ADAMTS2: variants seen among roughly 807,000 people sequenced by gnomAD.
ADAMTS2 encodes ADAM metallopeptidase with thrombospondin type 1 motif 2.
In ADAMTS2, 50 loss-of-function variants were observed where a neutral mutation model predicts 123.0. The observed-to-expected ratio is 0.41, with a 90% confidence interval of 0.32 to 0.51. The LOEUF is 0.51. Ranked by LOEUF, ADAMTS2 falls within the 20% of genes least tolerant of loss-of-function variation. The pLI, the probability that ADAMTS2 is intolerant of heterozygous loss-of-function variation, is 0.35. For missense variants in ADAMTS2, 1,494 were observed against 1,705.2 expected, an observed-to-expected ratio of 0.88 and a Z score of 2.18; for synonymous variants, 678 against 695.4, an observed-to-expected ratio of 0.98 and a Z score of 0.39.
At position 179,162,173 on chromosome 5, in the gene ADAMTS2, G is replaced by A. The variant is rs2113272690; in HGVS notation, c.976-3294C>T. On this transcript the variant is annotated intron_variant, in intron 5 of 21. Coordinates refer to ENST00000251582, the MANE Select transcript of ADAMTS2 (RefSeq NM_014244.5). This position sits in a 1 kb window ranked among gnomAD's most constrained non-coding sequence, Gnocchi z 5.1. ...GACGGTCCCTTCCGATGCCCTGGTGGGTTGCGGTGACTTCTGCCTGCCCTT... is the reference window on the plus strand; with the variant it reads ...GACGGTCCCTTCCGATGCCCTGGTGAGTTGCGGTGACTTCTGCCTGCCCTT... Among the ~76,000 whole-genome samples the A allele has an allele frequency of 6.6e-6, 1 of 152,326 alleles. No homozygotes were observed. The highest frequency in any genetic ancestry group is 2.1e-4 in the South Asian group (1 of 4,830).
At chr5:179,258,270 G>GC (rs1766121570) in intron 3 of ADAMTS2, among the ~76,000 whole-genome samples, 1 of 145,778 alleles carries the variant, frequency 6.9e-6, no homozygotes, top group Admixed American at 6.8e-5. Flanking sequence ...CCCCCAGACC[G>GC]CCCCCCGCCA....
chr5:179,321,273 T>C (rs1224566955), intron 2 of ADAMTS2, among the ~76,000 whole-genome samples: 3 of 152,116 alleles, frequency 2.0e-5, no homozygotes, highest in Non-Finnish European at 4.4e-5. Flanking sequence ...AGCGCACACG[T>C]AAACACTGCA....
At position 179,308,176 on chromosome 5, in the gene ADAMTS2, G is replaced by A. The variant is rs1001597289; in HGVS notation, c.535-35112C>T. Among the ~76,000 whole-genome samples, 5 of 152,158 alleles carry A rather than the reference G, an allele frequency of 3.3e-5. No individual in the cohort carries two copies. Among genetic ancestry groups the A allele is most frequent in the South Asian group, 2.1e-4 (1 of 4,822 alleles). On this transcript the variant is annotated intron_variant, in intron 2 of 21. Coordinates refer to ENST00000251582, the MANE Select transcript of ADAMTS2 (RefSeq NM_014244.5). The surrounding 1 kb of genome is among the most constrained non-coding windows in gnomAD (Gnocchi z 6.6). ...AAACAGGGGTTTAAGTGGAGGATCC[G>A]GTGCTCTGATTTCTCCCCAGTTAGT...
chr5:179,219,845 C>A (rs1186194052), intron 3 of ADAMTS2, among the ~76,000 whole-genome samples: 6 of 152,222 alleles, frequency 3.9e-5, no homozygotes, highest in Admixed American at 3.3e-4. Context: ...TTCGTCCCCC[C>A]AGCACCCGCC....
At chr5:179,134,951 T>TC (rs1763035203) in intron 13 of ADAMTS2, among the ~76,000 whole-genome samples, 5 of 33,664 alleles carry the variant, frequency 1.5e-4, no homozygotes, top group South Asian at 2.2e-3. Flanking sequence ...CGACTCCAGC[T>TC]CCAGCTCCCG....
At chr5:179,294,066 A>G (rs1166055555) in intron 2 of ADAMTS2, among the ~76,000 whole-genome samples, 2 of 152,012 alleles carry the variant, frequency 1.3e-5, no homozygotes, top group African/African-American at 2.4e-5. Context: ...GGAGTTCCAG[A>G]CCAGCATAGT....
intron 4 of ADAMTS2, among the ~76,000 whole-genome samples, chr5:179,182,232 A>T (rs1764067072): frequency 6.6e-6 from 1 of 152,218 alleles, no homozygotes; most frequent in Non-Finnish European, 1.5e-5. Flanking sequence ...CAGGCTAAGC[A>T]GCACCTGGCA....
In ADAMTS2 at chr5:179,162,700, C is replaced by T. The variant is rs1244125229; in HGVS notation, c.976-3821G>A. Among the ~76,000 whole-genome samples, 2 of 152,352 alleles carry T rather than the reference C, an allele frequency of 1.3e-5. No homozygotes were observed. The highest frequency in any genetic ancestry group is 2.1e-4 in the South Asian group (1 of 4,826). On this transcript the variant is annotated intron_variant, in intron 5 of 21. Transcript: ENST00000251582. This position sits in a 1 kb window ranked among gnomAD's most constrained non-coding sequence, Gnocchi z 5.1. The stretch of plus-strand genomic sequence containing the variant: ...TTGATAGAATCTCAGTCCCGCCTAC[C>T]GCAGGGCATGGACATTAAGAGACTG...
intron 10 of ADAMTS2, among the ~76,000 whole-genome samples, chr5:179,146,010 G>T (rs569681967): frequency 6.6e-6 from 1 of 152,216 alleles, no homozygotes; most frequent in South Asian, 2.1e-4. Flanking sequence ...CCACCACAAG[G>T]CCCAGCTAAT....
chr5:179,146,371 G>A (rs996455036), intron 10 of ADAMTS2, among the ~76,000 whole-genome samples: 1 of 152,142 alleles, frequency 6.6e-6, no homozygotes, highest in South Asian at 2.1e-4. Flanking sequence ...TTTGGAGGAG[G>A]TGCTCTCTGG....
rs533546540 is a variant in ADAMTS2, at chr5:179,332,162, C to G, written c.534+11605G>C. On this transcript the variant is annotated intron_variant, in intron 2 of 21. Transcript: ENST00000251582. The surrounding 1 kb of genome is among the most constrained non-coding windows in gnomAD (Gnocchi z 4.2). ...TCACAGAACTCAGGGAGGCATTTTA[C>G]TTACTATTTCCAGTTGATTATTAAA... Among the ~76,000 whole-genome samples the G allele has an allele frequency of 2.8e-4, 43 of 152,328 alleles. No individual in the cohort carries two copies. The highest frequency in any genetic ancestry group is 9.4e-4 in the African/African-American group (39 of 41,564).
intron 2 of ADAMTS2, among the ~76,000 whole-genome samples, chr5:179,328,721 G>A (rs1163464541): frequency 6.6e-6 from 1 of 152,188 alleles, no homozygotes; most frequent in Non-Finnish European, 1.5e-5. Flanking sequence ...AGTGTTCCCA[G>A]ATAACAATCT....
intron 4 of ADAMTS2, among the ~76,000 whole-genome samples, chr5:179,203,425 T>C (rs1016650731): frequency 1.2e-4 from 19 of 152,226 alleles, no homozygotes; most frequent in Non-Finnish European, 2.5e-4. Flanking sequence ...TTCCATGCTT[T>C]TGCTTTCGCT....
chr5:179,327,408 A>G (rs1444234629), intron 2 of ADAMTS2, among the ~76,000 whole-genome samples: 12 of 152,148 alleles, frequency 7.9e-5, no homozygotes, highest in Admixed American at 7.9e-4. Context: ...GTAGAAACTC[A>G]GGGCATCTTT....
Position 179,126,007 on chromosome 5 carries a change from G to A in ADAMTS2, c.2741C>T (p.Ser914Phe). 1 of 1,613,468 alleles carries A rather than the reference G, an allele frequency of 6.2e-7. No individual in the cohort carries two copies. The highest frequency in any genetic ancestry group is 8.5e-7 in the Non-Finnish European group (1 of 1,180,016). ...AGCTGGGGGCACTCACACTGGCTGGGAGCATTCCTGTGGGTTGCACGCTCT... is the reference window on the plus strand; with the variant it reads ...AGCTGGGGGCACTCACACTGGCTGGAAGCATTCCTGTGGGTTGCACGCTCT... ...IRRACNPQECSQPVWVTGEWE... is the reference protein window; with the variant it reads ...IRRACNPQECFQPVWVTGEWE... Residue 914 changes from serine to phenylalanine, a missense_variant, in exon 18 of 22, where the codon TCC becomes TTC. Physicochemically the swap from Ser to Phe is radical, Grantham distance 155. Transcript: ENST00000251582.
intron 2 of ADAMTS2, among the ~76,000 whole-genome samples, chr5:179,291,608 G>A (rs1484241073): frequency 6.6e-6 from 1 of 152,180 alleles, no homozygotes; most frequent in Non-Finnish European, 1.5e-5. Context: ...TGGAAGGCGG[G>A]AGTGTGCCCA....
intron 10 of ADAMTS2, among the ~76,000 whole-genome samples, chr5:179,146,716 G>T: frequency 1.3e-5 from 2 of 151,648 alleles, no homozygotes; most frequent in East Asian, 1.9e-4. Flanking sequence ...TTTCTTTTTT[G>T]GTGACAATGA....
chr5:179,315,325 T>TG (rs1756962560), intron 2 of ADAMTS2, among the ~76,000 whole-genome samples: 1 of 151,716 alleles, frequency 6.6e-6, no homozygotes, highest in African/African-American at 2.4e-5. Context: ...GAGGCCACAG[T>TG]GCTTTGGGAA....
intron 21 of ADAMTS2, among the ~76,000 whole-genome samples, chr5:179,114,701 C>T (rs577512382): frequency 6.6e-6 from 1 of 152,340 alleles, no homozygotes. Flanking sequence ...CATTTGACAT[C>T]CCAGTGGTAA....
Sources: allele counts gnomAD v4.1 joint callset (sites outside exome capture counted in the v4.1 genomes callset), GRCh38; gene constraint gnomAD v4.1.1; non-coding constraint Gnocchi (gnomAD v3.1); transcripts MANE v1.5; gene names NCBI Gene and HGNC (gene_info 2026-07-23, HGNC 2026-07-21).